Variants in DNM3 observed in about 807,000 individuals in gnomAD.
DNM3 encodes dynamin 3.
Under a neutral mutation model 101.6 loss-of-function variants are expected in DNM3, and 47 were observed. The ratio of observed to expected loss-of-function variants is 0.46; its 90% CI spans 0.37 to 0.59. The LOEUF is 0.59. Ranked by LOEUF, DNM3 falls within the 20% of genes least tolerant of loss-of-function variation. The probability of loss-of-function intolerance (pLI) is 0.00; values close to 1 mark genes in which losing one functional copy is unlikely to be tolerated. For missense variants in DNM3, 849 were observed against 1,085.7 expected, an observed-to-expected ratio of 0.78 and a Z score of 3.06; for synonymous variants, 385 against 387.9, an observed-to-expected ratio of 0.99 and a Z score of 0.09.
At chr1:172,084,147 T>C (rs17346452) in intron 12 of DNM3, among the ~76,000 whole-genome samples, 28,129 of 152,080 alleles carry the variant, frequency 0.18, 3,510 homozygotes, top group Non-Finnish European at 0.28. Flanking sequence ...TCAGCCTTTC[T>C]CTATCTGTTT....
chr1:172,174,776 A>G (rs2059096299), intron 14 of DNM3, among the ~76,000 whole-genome samples: 1 of 151,716 alleles, frequency 6.6e-6, no homozygotes, highest in Non-Finnish European at 1.5e-5. Context: ...CAAATGGGTG[A>G]AGGATATTGC....
chr1:172,283,674 C>T (rs983084024), intron 15 of DNM3, among the ~76,000 whole-genome samples: 13 of 148,550 alleles, frequency 8.8e-5, no homozygotes, highest in Non-Finnish European at 1.3e-4. Context: ...GCAGGAAAAT[C>T]GCTTGAAACC....
At chr1:172,214,644 T>C (rs886098685) in intron 14 of DNM3, among the ~76,000 whole-genome samples, 2 of 152,094 alleles carry the variant, frequency 1.3e-5, no homozygotes, top group African/African-American at 4.8e-5. Context: ...AATTATTATA[T>C]ACTATAGTTA....
At chr1:171,890,860 G>A (rs1367678647) in intron 1 of DNM3, among the ~76,000 whole-genome samples, 1 of 152,098 alleles carries the variant, frequency 6.6e-6, no homozygotes, top group African/African-American at 2.4e-5. Context: ...TGAATGAAAG[G>A]TAAAAATAAT....
In DNM3 at chr1:172,131,058, GA is replaced by G. The variant is rs2148076494; in HGVS notation, c.1546-113del. ...ACTCAATGGAAGTTGAGTTTGGAGG[GA>G]AAATACTATTTTTATTGCAATTAAT... is the stretch of plus-strand genomic sequence containing the variant. On this transcript the variant is annotated intron_variant, in intron 13 of 20. Transcript: ENST00000627582. The G allele has an allele frequency of 6.9e-6, 6 of 867,884 alleles. No homozygotes were observed. The East Asian group carries it at 1.6e-4, about 23-fold the overall frequency. The allele number at this position is 867,884 out of a possible 1,614,324, so 53.8% of individuals were successfully genotyped here.
intron 2 of DNM3, among the ~76,000 whole-genome samples, chr1:171,940,306 T>G (rs1019408853): frequency 6.6e-6 from 1 of 152,234 alleles, no homozygotes; most frequent in African/African-American, 2.4e-5. Flanking sequence ...TAAATTTTTA[T>G]CTTTAAGTTT....
chr1:172,359,133 C>A (rs763588226), intron 17 of DNM3, among the ~76,000 whole-genome samples: 2 of 60,314 alleles, frequency 3.3e-5, no homozygotes, highest in Non-Finnish European at 6.6e-5. Flanking sequence ...AAAACACACA[C>A]ACACACACAC....
intron 14 of DNM3, chr1:172,137,712 G>C (rs993875557): frequency 1.3e-5 from 2 of 152,110 alleles, no homozygotes; most frequent in African/African-American, 4.8e-5. Context: ...ATCTAAGAAA[G>C]ATGAAAATTA....
chr1:171,906,582 T>G (rs989865761), intron 1 of DNM3, among the ~76,000 whole-genome samples: 1 of 152,126 alleles, frequency 6.6e-6, no homozygotes, highest in South Asian at 2.1e-4. Flanking sequence ...TAATCTTGAG[T>G]CTACTATTTT....
At chr1:172,307,407 T>G (rs1169320984) in intron 15 of DNM3, among the ~76,000 whole-genome samples, 1 of 152,158 alleles carries the variant, frequency 6.6e-6, no homozygotes, top group Non-Finnish European at 1.5e-5. Flanking sequence ...GAAATAGGAA[T>G]GCTTTTACAC....
At chr1:172,001,465 C>T (rs1338474307) in intron 4 of DNM3, among the ~76,000 whole-genome samples, 1 of 151,960 alleles carries the variant, frequency 6.6e-6, no homozygotes, top group Non-Finnish European at 1.5e-5. Context: ...CCCATGAAGA[C>T]TATAACTGTG....
chr1:172,085,107 C>T (rs2053439325), intron 12 of DNM3, among the ~76,000 whole-genome samples: 1 of 151,854 alleles, frequency 6.6e-6, no homozygotes, highest in Non-Finnish European at 1.5e-5. Context: ...AAGCACTGCT[C>T]TAGGCTTGCT....
chr1:172,301,099 G>C (rs1417305360), intron 15 of DNM3, among the ~76,000 whole-genome samples: 1 of 152,216 alleles, frequency 6.6e-6, no homozygotes, highest in Non-Finnish European at 1.5e-5. Context: ...CACAACTTGG[G>C]AGAGAATAAG....
intron 1 of DNM3, 114 bp from the exon 2 acceptor site, chr1:171,921,634 A>T: frequency 1.2e-6 from 1 of 804,942 alleles, no homozygotes; most frequent in Non-Finnish European, 2.1e-6. Context: ...TTGTTTGGAT[A>T]AGCGATACAT....
chr1:172,296,958 C>T (rs755049958), intron 15 of DNM3, among the ~76,000 whole-genome samples: 16 of 152,102 alleles, frequency 1.1e-4, no homozygotes, highest in Non-Finnish European at 1.8e-4. Context: ...GCCTGGCCAA[C>T]AATGTGAAAT....
chr1:172,196,049 C>T (rs1317734197), intron 14 of DNM3, among the ~76,000 whole-genome samples: 2 of 151,698 alleles, frequency 1.3e-5, no homozygotes, highest in Non-Finnish European at 2.9e-5. Flanking sequence ...TTGCTCATCT[C>T]CCTCTTCCCA....
At chr1:171,853,972 G>A (rs545705961) in intron 1 of DNM3, among the ~76,000 whole-genome samples, 1 of 152,182 alleles carries the variant, frequency 6.6e-6, no homozygotes, top group Non-Finnish European at 1.5e-5. Flanking sequence ...TGTATGCAAT[G>A]GCAATTTCTG....
At chr1:172,130,575 C>T (rs973759431) in intron 13 of DNM3, among the ~76,000 whole-genome samples, 1 of 152,140 alleles carries the variant, frequency 6.6e-6, no homozygotes, top group Non-Finnish European at 1.5e-5. Context: ...TAAAATTTTA[C>T]AATATGCTGT....
intron 2 of DNM3, among the ~76,000 whole-genome samples, chr1:171,986,182 T>C (rs1403480105): frequency 6.6e-6 from 1 of 152,180 alleles, no homozygotes; most frequent in African/African-American, 2.4e-5. Flanking sequence ...AAATCCTCCC[T>C]ACTGTTCAGT....
Sources: allele counts gnomAD v4.1 joint callset (sites outside exome capture counted in the v4.1 genomes callset), GRCh38; gene constraint gnomAD v4.1.1; transcripts MANE v1.5; gene names NCBI Gene and HGNC (gene_info 2026-07-23, HGNC 2026-07-21).